MME: variants seen among roughly 807,000 people sequenced by gnomAD.
MME encodes the protein membrane metalloendopeptidase, also known as neprilysin.
Under a neutral mutation model 113.2 loss-of-function variants are expected in MME, and 98 were observed. That is an observed-to-expected ratio of 0.87 (90% CI 0.74 to 1.02). MME has a LOEUF of 1.02. MME is among the 50% of genes least tolerant of loss of function. The pLI, the probability that MME is intolerant of heterozygous loss-of-function variation, is 0.00. For synonymous variants in MME, 292 were observed against 300.6 expected (o/e 0.97, Z 0.30); for missense variants, 836 against 896.0 (o/e 0.93, Z 0.86).
intron 8 of MME, among the ~76,000 whole-genome samples, chr3:155,130,780 A>G (rs1485066340): frequency 1.3e-5 from 2 of 152,234 alleles, no homozygotes; most frequent in African/African-American, 4.8e-5. Flanking sequence ...GAAACTGTTC[A>G]GGACTTGAGC....
At chr3:155,136,087 A>G (rs1314995520) in intron 8 of MME, among the ~76,000 whole-genome samples, 1 of 152,196 alleles carries the variant, frequency 6.6e-6, no homozygotes, top group Non-Finnish European at 1.5e-5. Flanking sequence ...TCATTAGTGA[A>G]AAGAGAGAGT....
At chr3:155,060,821 C>T (rs1714107180) in intron 1 of MME, among the ~76,000 whole-genome samples, 1 of 146,820 alleles carries the variant, frequency 6.8e-6, no homozygotes, top group Non-Finnish European at 1.5e-5. Flanking sequence ...TGAGTACCTG[C>T]AGAGAGGCAG....
At chr3:155,078,210 G>C (rs1302505397), upstream of MME, among the ~76,000 whole-genome samples, 1 of 152,052 alleles carries the variant, frequency 6.6e-6, no homozygotes, top group Non-Finnish European at 1.5e-5. Flanking sequence ...GCGACAGCAC[G>C]AGACTCTGTA....
chr3:155,047,031 G>A (rs1713582137), intron 1 of MME, among the ~76,000 whole-genome samples: 1 of 152,162 alleles, frequency 6.6e-6, no homozygotes, highest in African/African-American at 2.4e-5. Flanking sequence ...TAACTTTAGT[G>A]TGTACAGTGA....
intron 1 of MME, among the ~76,000 whole-genome samples, chr3:155,026,641 T>C (rs565853026): frequency 6.6e-6 from 1 of 152,110 alleles, no homozygotes; most frequent in Non-Finnish European, 1.5e-5. Flanking sequence ...TAAGAATCGC[T>C]TGAACCCCAC....
intron 16 of MME, among the ~76,000 whole-genome samples, chr3:155,149,966 G>A (rs1312631081): frequency 6.6e-6 from 1 of 152,116 alleles, no homozygotes; most frequent in East Asian, 1.9e-4. Flanking sequence ...ACACATGCTT[G>A]GCATTATAAT....
chr3:155,089,748 C>A, intron 3 of MME: 3 of 360,458 alleles, frequency 8.3e-6, no homozygotes, highest in South Asian at 4.1e-5. Context: ...GAGGCCAAGG[C>A]GGGTGGATCA....
chr3:155,028,288 G>T (rs898776696), intron 1 of MME, among the ~76,000 whole-genome samples: 2 of 152,166 alleles, frequency 1.3e-5, no homozygotes, highest in African/African-American at 4.8e-5. Flanking sequence ...GATTAATGTG[G>T]CACAACCTAA....
intron 3 of MME, among the ~76,000 whole-genome samples, chr3:155,106,535 G>A (rs2108229289): frequency 6.6e-6 from 1 of 152,196 alleles, no homozygotes; most frequent in Middle Eastern, 3.4e-3. Flanking sequence ...TTCAAAAATG[G>A]TTCCCCAGAT....
At chr3:155,073,614 C>T (rs1018497545) in intron 1 of MME, among the ~76,000 whole-genome samples, 1 of 152,046 alleles carries the variant, frequency 6.6e-6, no homozygotes, top group African/African-American at 2.4e-5. Flanking sequence ...AAGAACAAAA[C>T]CAATTATTGG....
intron 1 of MME, among the ~76,000 whole-genome samples, chr3:155,046,771 T>C (rs1713575924): frequency 1.3e-5 from 2 of 152,150 alleles, no homozygotes; most frequent in Admixed American, 6.5e-5. Flanking sequence ...AGGGTTAATA[T>C]GTGTGTTTGT....
In MME at chr3:155,142,040, T is replaced by C. The variant is rs1721134252; in HGVS notation, c.1007T>C (p.Ile336Thr). ...FTNEIMSTVN[I>T]SITNEEDVVV... ...AATGAAATCATGTCAACTGTGAATA[T>C]TAGTATTACAAATGAGGAAGATGTG... Residue 336 changes from isoleucine to threonine, a missense_variant, in exon 11 of 23, where the codon ATT becomes ACT. Ile to Thr is a moderately conservative substitution (Grantham distance 89, BLOSUM62 -1). Transcript: ENST00000360490. 1.2e-6 allele frequency: 2 copies of C among 1,613,528 alleles called. No individual in the cohort carries two copies. Among genetic ancestry groups the C allele is most frequent in the African/African-American group, 1.3e-5 (1 of 74,882 alleles).
At chr3:155,132,989 C>T (rs1219604930) in intron 8 of MME, among the ~76,000 whole-genome samples, 2 of 138,832 alleles carry the variant, frequency 1.4e-5, no homozygotes, top group African/African-American at 2.7e-5. Context: ...TGCAGTGAGC[C>T]GAGATTGCAC....
chr3:155,100,457 G>A (rs997449309), intron 3 of MME, among the ~76,000 whole-genome samples: 5 of 152,308 alleles, frequency 3.3e-5, no homozygotes, highest in African/African-American at 1.2e-4. Flanking sequence ...GTTGGTGGGA[G>A]TGTAAACTAG....
At chr3:155,150,064 TAA>T (rs1165404641) in intron 16 of MME, among the ~76,000 whole-genome samples, 2 of 152,220 alleles carry the variant, frequency 1.3e-5, no homozygotes, top group African/African-American at 4.8e-5. Context: ...AAATTTCTTA[TAA>T]GTCTGTATAT....
intron 1 of MME, among the ~76,000 whole-genome samples, chr3:155,072,167 CAAAAAAAAAA>C (rs71155031): frequency 3.1e-5 from 2 of 65,070 alleles, no homozygotes; most frequent in South Asian, 8.5e-4. Flanking sequence ...GACTCCGTCT[CAAAAAAAAAA>C]AAAAAAAAAA....
chr3:155,063,930 A>G (rs1714295799), intron 1 of MME, among the ~76,000 whole-genome samples: 1 of 151,636 alleles, frequency 6.6e-6, no homozygotes, highest in Admixed American at 6.6e-5. Flanking sequence ...GGCTTTACAG[A>G]GGTAATCAAG....
chr3:155,086,831 A>G (rs1015864169), intron 3 of MME, among the ~76,000 whole-genome samples: 5 of 151,866 alleles, frequency 3.3e-5, no homozygotes, highest in Admixed American at 6.6e-5. Flanking sequence ...TTGAGGCAGG[A>G]TCTTGCTCTG....
intron 1 of MME, among the ~76,000 whole-genome samples, chr3:155,067,608 C>T (rs915671300): frequency 4.6e-5 from 7 of 151,946 alleles, no homozygotes; most frequent in Non-Finnish European, 8.8e-5. Context: ...TGTGCCCGGC[C>T]CTTATTTTCC....
Sources: allele counts gnomAD v4.1 joint callset (sites outside exome capture counted in the v4.1 genomes callset), GRCh38; gene constraint gnomAD v4.1.1; transcripts MANE v1.5; gene names NCBI Gene and HGNC (gene_info 2026-07-23, HGNC 2026-07-21).